The following CDH12 variants were observed in gnomAD, a reference collection of about 807,000 sequenced individuals.
CDH12 encodes the protein cadherin-12.
In CDH12, 41 loss-of-function variants were observed where a neutral mutation model predicts 74.1. The observed-to-expected ratio is 0.55, with a 90% CI of 0.43 to 0.72. The LOEUF is 0.72. CDH12 is among the 30% of genes least tolerant of loss of function. The probability of loss-of-function intolerance (pLI) is 0.00; values close to 1 mark genes in which losing one functional copy is unlikely to be tolerated. For missense variants in CDH12, 945 were observed against 977.2 expected (o/e 0.97, Z 0.44); for synonymous variants, 399 against 355.0 (o/e 1.12, Z -1.39).
intron 4 of CDH12, among the ~76,000 whole-genome samples, chr5:22,079,182 G>A (rs1742545103): frequency 6.6e-6 from 1 of 152,170 alleles, no homozygotes; most frequent in Non-Finnish European, 1.5e-5. Flanking sequence ...AGTTAGAGTA[G>A]GATCTTGCAA....
intron 6 of CDH12, among the ~76,000 whole-genome samples, chr5:21,931,497 C>A (rs867985490): frequency 6.6e-6 from 1 of 152,086 alleles, no homozygotes; most frequent in African/African-American, 2.4e-5. Context: ...TCACTAATAG[C>A]GGTGCTTGAA....
At chr5:22,744,878 A>G (rs1433683856) in intron 1 of CDH12, among the ~76,000 whole-genome samples, 3 of 152,022 alleles carry the variant, frequency 2.0e-5, no homozygotes, top group African/African-American at 7.2e-5. Flanking sequence ...GGTTTCTGCA[A>G]CCTCGTCTGT....
intron 1 of CDH12, among the ~76,000 whole-genome samples, chr5:22,640,567 T>G (rs1268967338): frequency 6.6e-6 from 1 of 152,220 alleles, no homozygotes; most frequent in Non-Finnish European, 1.5e-5. Context: ...ATCTAATTTT[T>G]TGGCTGCTGC....
chr5:22,205,100 T>C (rs1453701012), intron 4 of CDH12, among the ~76,000 whole-genome samples: 5 of 152,234 alleles, frequency 3.3e-5, no homozygotes, highest in African/African-American at 4.8e-5. Flanking sequence ...ACAAATATGG[T>C]TGAATCTTAC....
intron 4 of CDH12, among the ~76,000 whole-genome samples, chr5:22,114,161 T>A (rs1234975299): frequency 6.6e-6 from 1 of 152,136 alleles, no homozygotes; most frequent in African/African-American, 2.4e-5. Flanking sequence ...CTAGTTGGGG[T>A]CTCAGCTATT....
intron 4 of CDH12, among the ~76,000 whole-genome samples, chr5:22,145,097 G>A (rs1747070169): frequency 6.6e-6 from 1 of 151,974 alleles, no homozygotes; most frequent in African/African-American, 2.4e-5. Context: ...GGAAAAGGTG[G>A]GAGATTCTGG....
intron 4 of CDH12, among the ~76,000 whole-genome samples, chr5:22,196,373 G>T (rs192998724): frequency 6.6e-6 from 1 of 151,904 alleles, no homozygotes; most frequent in East Asian, 1.9e-4. Flanking sequence ...TCGATCTCTC[G>T]ACCTCATGAT....
At chr5:21,866,142 T>A (rs1751313999) in intron 6 of CDH12, among the ~76,000 whole-genome samples, 1 of 152,230 alleles carries the variant, frequency 6.6e-6, no homozygotes, top group African/African-American at 2.4e-5. Context: ...CATGTGGAAC[T>A]GTGAGTCCAT....
chr5:21,760,632 G>A lies in CDH12; in HGVS notation c.1559C>T (p.Ala520Val), dbSNP rs549232463. The change falls in exon 13 of 15, where the codon GCT becomes GTT. Residue 520 changes from alanine (A) to valine (V), a missense_variant. By Grantham distance (64) the Ala-to-Val change is moderately conservative. This residue lies in a region of CDH12 where 791 missense variants were observed against 792.8 expected (regional missense o/e 1.00). Transcript: ENST00000382254. ...VSAADRDLSP[A>V]GQQFSFRLSP... ...TAATCTAAAGGAGAATTGTTGCCCA[G>A]CAGGTGAAAGATCTCGGTCTGCAGC... is the stretch of plus-strand genomic sequence containing the variant. 1 of 1,611,580 alleles carries A rather than the reference G, an allele frequency of 6.2e-7. No individual in the cohort carries two copies. The highest frequency in any genetic ancestry group is 2.2e-5 in the East Asian group (1 of 44,820).
chr5:21,755,541 A>G (rs1322638131), intron 14 of CDH12, 50 bp downstream of exon 14: 1 of 1,557,936 alleles, frequency 6.4e-7, no homozygotes, highest in East Asian at 2.3e-5. Flanking sequence ...AGGGGAAAAA[A>G]AGGAAGAGAG....
chr5:22,163,720 C>T (rs988588863), intron 4 of CDH12, among the ~76,000 whole-genome samples: 21 of 152,088 alleles, frequency 1.4e-4, no homozygotes, highest in African/African-American at 4.8e-4. Context: ...ATGAGATTCC[C>T]AAGAATTAGA....
rs138981337 is a variant in CDH12 at position 22,241,812 on chromosome 5, T to G, written c.-332-29169A>C. ...ATTAATTCCAACCAAATTTATTTTA[T>G]TTAAATTATAATAAGAACAAATAAT... On this transcript the variant is annotated intron_variant, in intron 3 of 14. Transcript: ENST00000382254. 1.5e-3 allele frequency among the ~76,000 whole-genome samples: 222 copies of G among 152,152 alleles called. 4 individuals are homozygous for G. The highest frequency in any genetic ancestry group is 5.0e-3 in the African/African-American group (206 of 41,580).
chr5:22,664,143 T>A (rs1265151673), intron 1 of CDH12, among the ~76,000 whole-genome samples: 6 of 152,190 alleles, frequency 3.9e-5, no homozygotes, highest in Admixed American at 3.9e-4. Flanking sequence ...ACATAATACA[T>A]CTCTAACATA....
intron 8 of CDH12, among the ~76,000 whole-genome samples, chr5:21,830,198 T>TAAA (rs1561221170): frequency 3.6e-5 from 1 of 28,096 alleles, no homozygotes; most frequent in East Asian, 1.7e-3. Flanking sequence ...AAACTCCTTC[T>TAAA]CAAAAAAAAA....
Position 22,713,132 on chromosome 5 carries a change from CTTTTTTTTTTTTT to C in CDH12, c.-523+139913_-523+139925del, listed in dbSNP as rs70959753. On this transcript the variant is annotated intron_variant, in intron 1 of 14. Coordinates refer to ENST00000382254, the MANE Select transcript of CDH12 (RefSeq NM_004061.5). ...CTTTCCATATGATCTTATGCTAATTCTTTTTTTTTTTTTTTTTTTTTTTTTTTGAGGTGGAGTC... is the reference window on the plus strand; with the variant it reads ...CTTTCCATATGATCTTATGCTAATTCTTTTTTTTTTTTTTGAGGTGGAGTC... Among the ~76,000 whole-genome samples, 37 of 61,214 alleles carry C rather than the reference CTTTTTTTTTTTTT, an allele frequency of 6.0e-4. 1 individual carries two copies. The East Asian group carries it at 0.017, about 29-fold the overall frequency. 40.2% of individuals were successfully genotyped at this position (61,214 alleles called of 152,430 possible). A position where few individuals can be genotyped will look rare whatever the true frequency, so the allele number is the denominator to read the frequency against.
At chr5:22,768,641 C>G (rs1342894409) in intron 1 of CDH12, among the ~76,000 whole-genome samples, 1 of 151,982 alleles carries the variant, frequency 6.6e-6, no homozygotes, top group Non-Finnish European at 1.5e-5. Context: ...ACTCTATCAT[C>G]ATCTATAAAG....
intron 1 of CDH12, among the ~76,000 whole-genome samples, chr5:22,701,951 C>A (rs962682304): frequency 8.5e-5 from 13 of 152,098 alleles, no homozygotes; most frequent in Non-Finnish European, 2.9e-5. Flanking sequence ...TTATTTCTTT[C>A]CATTTAATAG....
intron 1 of CDH12, among the ~76,000 whole-genome samples, chr5:22,813,716 G>C (rs1410961863): frequency 6.6e-6 from 1 of 152,034 alleles, no homozygotes; most frequent in Non-Finnish European, 1.5e-5. Flanking sequence ...GCAGACTCTA[G>C]GCAACTGCTC....
intron 1 of CDH12, among the ~76,000 whole-genome samples, chr5:22,544,107 C>A (rs1284789303): frequency 6.6e-6 from 1 of 152,068 alleles, no homozygotes; most frequent in Non-Finnish European, 1.5e-5. Context: ...AGCCTTTCAT[C>A]CAGCCAGGAT....
Sources: allele counts gnomAD v4.1 joint callset (sites outside exome capture counted in the v4.1 genomes callset), GRCh38; gene constraint gnomAD v4.1.1; regional missense constraint gnomAD v4.1.1; transcripts MANE v1.5; gene names NCBI Gene and HGNC (gene_info 2026-07-23, HGNC 2026-07-21).